The following CEP55 variants were observed in gnomAD, a reference collection of about 807,000 sequenced individuals.
CEP55 encodes the protein centrosomal protein of 55 kDa.
A neutral mutation model predicts 63.2 loss-of-function variants in CEP55; 57 were observed. The observed-to-expected ratio is 0.90, with a 90% confidence interval of 0.73 to 1.13. The LOEUF (loss-of-function observed/expected upper bound fraction) is 1.13, where lower values mean the gene tolerates loss of function less well. Ranked by LOEUF, CEP55 falls within the 50% of genes most tolerant of loss-of-function variation. The pLI is 0.00. For missense variants in CEP55, 456 were observed against 518.9 expected (o/e 0.88, Z 1.18); for synonymous variants, 178 against 191.6 (o/e 0.93, Z 0.59).
chr10:93,506,880 T>C, intron 3 of CEP55, 108 bp from the exon 4 acceptor site: 1 of 799,672 alleles, frequency 1.3e-6, no homozygotes, highest in South Asian at 1.4e-5. Flanking sequence ...AGCCTAGATC[T>C]GGATTTCGGG....
intron 1 of CEP55, 97 bp from the exon 2 acceptor site, chr10:93,499,943 C>A: frequency 2.5e-6 from 2 of 797,892 alleles, no homozygotes; most frequent in Non-Finnish European, 2.0e-6. Context: ...TTGGATATAT[C>A]ATTTCTATTT....
intron 4 of CEP55, among the ~76,000 whole-genome samples, chr10:93,510,106 C>T (rs2057729454): frequency 3.9e-5 from 6 of 152,186 alleles, no homozygotes; most frequent in Admixed American, 3.9e-4. Flanking sequence ...TATCATTGTT[C>T]AGTTACCATT....
Position 93,500,153 on chromosome 10 carries a change from T to C in CEP55, c.102T>C (p.Ile34=). The change falls in exon 2 of 9, where the codon ATT becomes ATC. Residue 34 remains isoleucine (I), a synonymous_variant. Coordinates refer to ENST00000371485, the MANE Select transcript of CEP55 (RefSeq NM_018131.5). ...CATTAGAAAAATTAAAGGGAGAAAT[T>C]GCACACTTAAAGACATCAGTGGATG... ...ETTLEKLKGE[I]AHLKTSVDEI... 1 of 1,613,838 alleles carries C rather than the reference T, an allele frequency of 6.2e-7. No individual in the cohort carries two copies. Among genetic ancestry groups the C allele is most frequent in the African/African-American group, 1.3e-5 (1 of 75,018 alleles).
intron 8 of CEP55, among the ~76,000 whole-genome samples, chr10:93,527,685 G>T (rs886351849): frequency 6.6e-6 from 1 of 151,804 alleles, no homozygotes; most frequent in African/African-American, 2.4e-5. Context: ...GGGCAACATA[G>T]AATTAATTTT....
chr10:93,512,768 T>C (rs1047742107), intron 4 of CEP55, among the ~76,000 whole-genome samples: 7 of 152,294 alleles, frequency 4.6e-5, no homozygotes, highest in African/African-American at 1.7e-4. Context: ...GAAAGATGCA[T>C]AGGTTCTGAG....
chr10:93,519,094 A>G (rs1391338980), intron 7 of CEP55, 146 bp downstream of exon 7: 3 of 562,870 alleles, frequency 5.3e-6, no homozygotes, highest in African/African-American at 1.9e-5. Context: ...CTTCTTCAAT[A>G]AAAAAGATAT....
intron 8 of CEP55, among the ~76,000 whole-genome samples, chr10:93,524,188 G>T (rs1031143519): frequency 5.8e-4 from 88 of 151,234 alleles, no homozygotes; most frequent in South Asian, 2.3e-3. Context: ...TTGATAGACC[G>T]CTAGCAAGAC....
intron 7 of CEP55, chr10:93,519,255 C>T (rs1286948039): frequency 2.4e-6 from 1 of 416,296 alleles, no homozygotes; most frequent in Non-Finnish European, 4.3e-6. Flanking sequence ...CTAACAATGT[C>T]TCCTAAGTAG....
chr10:93,502,782 G>A (rs537399777), intron 2 of CEP55, among the ~76,000 whole-genome samples: 16 of 152,216 alleles, frequency 1.1e-4, no homozygotes, highest in Non-Finnish European at 2.4e-4. Flanking sequence ...TGTTATGGAA[G>A]AATGATTACC....
intron 4 of CEP55, among the ~76,000 whole-genome samples, chr10:93,510,937 C>CTT (rs572255812): frequency 0.13 from 15,255 of 117,972 alleles, 1,723 homozygotes; most frequent in East Asian, 0.51. Context: ...TTCCACAGGA[C>CTT]TTTTTTTTTT....
intron 4 of CEP55, 68 bp downstream of exon 4, chr10:93,507,124 A>T (rs1335256385): frequency 3.3e-6 from 3 of 906,380 alleles, no homozygotes; most frequent in Middle Eastern, 4.5e-4. Context: ...TTTTACAGAA[A>T]TTGGCAACAT....
At chr10:93,506,740 C>T (rs2057692934) in intron 3 of CEP55, among the ~76,000 whole-genome samples, 2 of 151,824 alleles carry the variant, frequency 1.3e-5, no homozygotes, top group African/African-American at 2.4e-5. Context: ...GCTAATTTTT[C>T]TTTTTGTATT....
At chr10:93,510,118 C>T (rs1361743366) in intron 4 of CEP55, among the ~76,000 whole-genome samples, 3 of 152,200 alleles carry the variant, frequency 2.0e-5, no homozygotes, top group Non-Finnish European at 2.9e-5. Flanking sequence ...GTTACCATTT[C>T]GCTCTGGCCG....
Position 93,503,240 on chromosome 10 carries a change from TGGAA to T in CEP55, c.313_316del (p.Glu105ArgfsTer13). On this transcript the variant is annotated frameshift_variant, in exon 3 of 9. Coordinates refer to ENST00000371485, the MANE Select transcript of CEP55 (RefSeq NM_018131.5). LOFTEE classifies it high-confidence loss of function. ...AGTACTACCACATTGCTTGAACAGC[TGGAA>T]GAGACAACGAGAGAAGGAGAAAGGA... is the stretch of plus-strand genomic sequence containing the variant. The T allele has an allele frequency of 6.2e-7, 1 of 1,614,072 alleles. No homozygotes were observed. Among genetic ancestry groups the T allele is most frequent in the Non-Finnish European group, 8.5e-7 (1 of 1,179,982 alleles).
At chr10:93,501,081 A>G (rs2057630798) in intron 2 of CEP55, among the ~76,000 whole-genome samples, 1 of 152,222 alleles carries the variant, frequency 6.6e-6, no homozygotes, top group South Asian at 2.1e-4. Context: ...GTAAAAAATC[A>G]GATCTGTCCA....
Position 93,500,639 on chromosome 10 carries a change from A to G in CEP55, c.183+405A>G, listed in dbSNP as rs183148010. On this transcript the variant is annotated intron_variant, in intron 2 of 8. Coordinates refer to ENST00000371485, the MANE Select transcript of CEP55 (RefSeq NM_018131.5). ...CTATAGCTTCTTGGTAATTTAGCTTAACTACATGAATATTCTTGATAACTT... is the reference window on the plus strand; with the variant it reads ...CTATAGCTTCTTGGTAATTTAGCTTGACTACATGAATATTCTTGATAACTT... Among the ~76,000 whole-genome samples the G allele has an allele frequency of 3.4e-3, 524 of 152,338 alleles. 4 individuals carry two copies. Among genetic ancestry groups the G allele is most frequent in the African/African-American group, 0.012 (496 of 41,574 alleles).
chr10:93,506,663 G>A (rs999147928), intron 3 of CEP55, among the ~76,000 whole-genome samples: 3 of 152,142 alleles, frequency 2.0e-5, no homozygotes, highest in African/African-American at 7.2e-5. Context: ...CACCTCCCGG[G>A]TTCAAGTGAT....
intron 4 of CEP55, among the ~76,000 whole-genome samples, chr10:93,508,031 ACTTCT>A (rs1372743602): frequency 1.3e-5 from 2 of 152,198 alleles, no homozygotes; most frequent in Admixed American, 6.5e-5. Flanking sequence ...TGGTTTGAAT[ACTTCT>A]CTTGAAACTA....
At chr10:93,497,612 TAAC>T (rs958897579) in intron 1 of CEP55, among the ~76,000 whole-genome samples, 15 of 147,006 alleles carry the variant, frequency 1.0e-4, no homozygotes, top group Non-Finnish European at 1.6e-4. Context: ...GCTCTGTGGG[TAAC>T]AACAACAACA....
Sources: gnomAD v4.1 joint callset for allele counts (sites outside exome capture counted in the v4.1 genomes callset) on GRCh38, gnomAD v4.1.1 for gene constraint, MANE v1.5 for transcripts, NCBI Gene and HGNC (gene_info 2026-07-23, HGNC 2026-07-21) for gene names.